Variants in KIAA1549L observed in about 807,000 individuals in gnomAD.
The protein encoded by KIAA1549L is UPF0606 protein KIAA1549L.
Under a neutral mutation model 160.7 loss-of-function variants are expected in KIAA1549L, and 88 were observed. That is an observed-to-expected ratio of 0.55 (90% CI 0.46 to 0.65). KIAA1549L has a LOEUF of 0.65. Ranked by LOEUF, KIAA1549L falls within the 30% of genes least tolerant of loss-of-function variation. The pLI is 0.00. For synonymous variants in KIAA1549L, 950 were observed against 976.7 expected, an observed-to-expected ratio of 0.97 and a Z score of 0.51; for missense variants, 2,258 against 2,437.5, an observed-to-expected ratio of 0.93 and a Z score of 1.55.
At chr11:33,496,620 G>A (rs1852826518) in intron 1 of KIAA1549L, among the ~76,000 whole-genome samples, 1 of 152,074 alleles carries the variant, frequency 6.6e-6, no homozygotes, top group African/African-American at 2.4e-5. Context: ...CCACTGTAAG[G>A]CTTCCCAACA....
chr11:33,492,075 A>G (rs1852678643), intron 1 of KIAA1549L, among the ~76,000 whole-genome samples: 2 of 152,336 alleles, frequency 1.3e-5, no homozygotes, highest in South Asian at 4.1e-4. Context: ...ACATACATGC[A>G]AAATTTTGCT....
At position 33,544,318 on chromosome 11, in the gene KIAA1549L, C is replaced by T. The variant is rs1854157609; in HGVS notation, c.2755C>T (p.His919Tyr). 6.2e-7 allele frequency: 1 copy of T among 1,613,922 alleles called. No individual in the cohort carries two copies. Among genetic ancestry groups the T allele is most frequent in the Non-Finnish European group, 8.5e-7 (1 of 1,179,876 alleles). The change falls in exon 2 of 21, where the codon CAC (histidine) becomes TAC (tyrosine). Residue 919 changes from histidine to tyrosine, a missense_variant. By Grantham distance (83) the His-to-Tyr change is moderately conservative. Coordinates refer to ENST00000658780, the MANE Select transcript of KIAA1549L (RefSeq NM_012194.3). Reference sequence around the variant, plus strand: ...CTCCAGAGTGCTGCGGGCTTCTCAGCACCCCAAGAAATGGACAGGTGCAGC... The same window carrying T: ...CTCCAGAGTGCTGCGGGCTTCTCAGTACCCCAAGAAATGGACAGGTGCAGC... ...TSSRVLRASQHPKKWTADTVS... is the reference protein window; with the variant it reads ...TSSRVLRASQYPKKWTADTVS...
chr11:33,565,147 G>A (rs1203643578), intron 8 of KIAA1549L, among the ~76,000 whole-genome samples: 1 of 152,126 alleles, frequency 6.6e-6, no homozygotes, highest in Non-Finnish European at 1.5e-5. Flanking sequence ...TGTGATTTCT[G>A]TGTCTCTGTG....
At chr11:33,468,872 A>C (rs980605262) in intron 1 of KIAA1549L, among the ~76,000 whole-genome samples, 1 of 152,180 alleles carries the variant, frequency 6.6e-6, no homozygotes, top group Non-Finnish European at 1.5e-5. Flanking sequence ...TTTATGTTAT[A>C]GAAACATCAA....
intron 1 of KIAA1549L, among the ~76,000 whole-genome samples, chr11:33,405,594 A>G (rs1028123423): frequency 1.3e-4 from 19 of 150,194 alleles, no homozygotes; most frequent in African/African-American, 4.7e-4. Flanking sequence ...CTGTAATCCC[A>G]GCACTTTGGG....
At chr11:33,377,255 T>C (rs1849975292) in intron 1 of KIAA1549L, among the ~76,000 whole-genome samples, 1 of 152,166 alleles carries the variant, frequency 6.6e-6, no homozygotes, top group East Asian at 1.9e-4. Flanking sequence ...GTGTCCACTT[T>C]GTCTTAACTG....
At chr11:33,660,066 G>C (rs1170362536) in intron 19 of KIAA1549L, among the ~76,000 whole-genome samples, 1 of 152,232 alleles carries the variant, frequency 6.6e-6, no homozygotes. Flanking sequence ...CCTCTTTAGG[G>C]GATGAGAAAA....
At chr11:33,563,816 A>G (rs1854957547) in intron 8 of KIAA1549L, among the ~76,000 whole-genome samples, 1 of 152,090 alleles carries the variant, frequency 6.6e-6, no homozygotes, top group Non-Finnish European at 1.5e-5. Flanking sequence ...TAACATGGAG[A>G]TATTCCTCCC....
chr11:33,672,881 A>G lies in KIAA1549L; in HGVS notation c.*4727A>G, dbSNP rs541344011. 4 of 153,936 alleles carry G rather than the reference A, an allele frequency of 2.6e-5. No individual in the cohort carries two copies. Among genetic ancestry groups the G allele is most frequent in the African/African-American group, 9.6e-5 (4 of 41,602 alleles). The allele number at this position is 153,936 out of a possible 1,614,324, so 9.5% of individuals were successfully genotyped here. On this transcript the variant is annotated 3_prime_UTR_variant, in exon 21 of 21. Transcript: ENST00000658780. The stretch of plus-strand genomic sequence containing the variant: ...CATGATCTTAGCTCAGGTGCTACTA[A>G]TGTGGCTCACGGCCACACACTTGCA...
chr11:33,642,246 A>G (rs1031085144), intron 16 of KIAA1549L, among the ~76,000 whole-genome samples: 5 of 152,142 alleles, frequency 3.3e-5, no homozygotes, highest in African/African-American at 1.2e-4. Flanking sequence ...TTGTCATGCA[A>G]CTCATTAGCA....
chr11:33,395,945 T>C (rs934466884), intron 1 of KIAA1549L, among the ~76,000 whole-genome samples: 5 of 152,114 alleles, frequency 3.3e-5, no homozygotes, highest in African/African-American at 1.2e-4. Context: ...CGAAGTGTAA[T>C]TTCTTTGTTG....
intron 1 of KIAA1549L, chr11:33,403,234 A>ATGG (rs1565121646): frequency 6.1e-3 from 36 of 5,922 alleles, no homozygotes; most frequent in East Asian, 0.013. Flanking sequence ...CACAGACACA[A>ATGG]ACACACATAT....
intron 6 of KIAA1549L, among the ~76,000 whole-genome samples, chr11:33,558,903 G>A (rs1347697454): frequency 6.7e-6 from 1 of 149,290 alleles, no homozygotes; most frequent in Non-Finnish European, 1.5e-5. Flanking sequence ...GTGCAATCTC[G>A]GCTGACTGCA....
chr11:33,640,321 AT>A (rs1851550718), intron 16 of KIAA1549L, among the ~76,000 whole-genome samples: 1 of 152,190 alleles, frequency 6.6e-6, no homozygotes, highest in African/African-American at 2.4e-5. Context: ...CAAATACATC[AT>A]ACTCAGTAAA....
At chr11:33,649,004 T>A (rs1401771783) in intron 17 of KIAA1549L, among the ~76,000 whole-genome samples, 1 of 152,164 alleles carries the variant, frequency 6.6e-6, no homozygotes, top group East Asian at 1.9e-4. Context: ...AATATTATTA[T>A]CCCAAAGTAC....
At chr11:33,551,320 G>A in intron 5 of KIAA1549L, 61 bp downstream of exon 5, 1 of 1,408,682 alleles carries the variant, frequency 7.1e-7, no homozygotes, top group Non-Finnish European at 9.9e-7. Flanking sequence ...AGTACCAAGT[G>A]GACACCTGTT....
chr11:33,618,609 C>T lies in KIAA1549L; in HGVS notation c.5356C>T (p.Leu1786Phe), dbSNP rs1158594021. 2.5e-6 allele frequency: 4 copies of T among 1,608,802 alleles called. No individual in the cohort carries two copies. Among genetic ancestry groups the T allele is most frequent in the Non-Finnish European group, 3.4e-6 (4 of 1,177,054 alleles). ...GAGTCCAGGGGAAACCGAGATGGAC[C>T]TTCTGGTGACTCGGGAGCGACCCCG... Reference protein sequence around the residue: ...SPSPGETEMDLLVTRERPRRG... With the variant: ...SPSPGETEMDFLVTRERPRRG... The change falls in exon 16 of 21, where the codon CTT (leucine) becomes TTT (phenylalanine). Residue 1786 changes from leucine to phenylalanine, a missense_variant. This residue lies in a region of KIAA1549L where 1,359 missense variants were observed against 1,546.6 expected (regional missense o/e 0.88). Coordinates refer to ENST00000658780, the MANE Select transcript of KIAA1549L (RefSeq NM_012194.3).
chr11:33,435,770 A>ATGTGTGTG (rs1851342138), intron 1 of KIAA1549L, among the ~76,000 whole-genome samples: 4 of 5,874 alleles, frequency 6.8e-4, no homozygotes, highest in Non-Finnish European at 1.1e-3. Flanking sequence ...ATATATATAT[A>ATGTGTGTG]TATATATATA....
intron 1 of KIAA1549L, among the ~76,000 whole-genome samples, chr11:33,382,742 T>G (rs1850096669): frequency 6.6e-6 from 1 of 152,140 alleles, no homozygotes; most frequent in Admixed American, 6.6e-5. Context: ...CATCTCATCC[T>G]TCCCATCCCC....
Sources: allele counts gnomAD v4.1 joint callset (sites outside exome capture counted in the v4.1 genomes callset), GRCh38; gene constraint gnomAD v4.1.1; regional missense constraint gnomAD v4.1.1; transcripts MANE v1.5; gene names NCBI Gene and HGNC (gene_info 2026-07-23, HGNC 2026-07-21).